HAP1: variants seen among roughly 807,000 people sequenced by gnomAD.
The protein encoded by HAP1 is huntingtin-associated protein 1.
A neutral mutation model predicts 60.3 loss-of-function variants in HAP1; 59 were observed. The ratio of observed to expected loss-of-function variants is 0.98; its 90% CI spans 0.79 to 1.22. HAP1 has a LOEUF of 1.22. Ranked by LOEUF, HAP1 falls within the 50% of genes most tolerant of loss-of-function variation. HAP1 has a pLI of 0.00. For missense variants in HAP1, 825 were observed against 785.3 expected, an observed-to-expected ratio of 1.05 and a Z score of -0.60; for synonymous variants, 346 against 330.6, an observed-to-expected ratio of 1.05 and a Z score of -0.50.
chr17:41,732,113 T>C lies in HAP1; in HGVS notation c.720A>G (p.Leu240=). ...ALLGSAKEEI[L]YLRHQVNLRD... ...GCAAGTTCACCTGGTGTCTGAGGTA[T>C]AAAATCTGGCAGGAAGAGAGAGGAG... The change falls in exon 4 of 11, where the codon TTA becomes TTG. Residue 240 remains leucine (L), a synonymous_variant. Coordinates refer to ENST00000347901, the MANE Select transcript of HAP1 (RefSeq NM_177977.3). The C allele has an allele frequency of 6.2e-7, 1 of 1,613,804 alleles. No individual in the cohort carries two copies. The highest frequency in any genetic ancestry group is 8.5e-7 in the Non-Finnish European group (1 of 1,179,790).
chr17:41,717,919 CATT>C (rs782109864), downstream of HAP1: 1 of 452,138 alleles, frequency 2.2e-6, no homozygotes, highest in African/African-American at 2.0e-5. Context: ...TCCATTCCAT[CATT>C]GTTCTTGTGC....
At chr17:41,726,853 A>G (rs8064577) in intron 9 of HAP1, among the ~76,000 whole-genome samples, 200 bp downstream of exon 9, 12,115 of 150,514 alleles carry the variant, frequency 0.08, 1,628 homozygotes, top group African/African-American at 0.28. Flanking sequence ...ACAGAGCAAG[A>G]CTCCATCTCA....
rs149550090 is a variant in HAP1, at chr17:41,725,068, C to T, written c.1493G>A (p.Arg498Gln). The change falls in exon 11 of 11, where the codon CGG becomes CAG. Residue 498 changes from arginine to glutamine, a missense_variant. Physicochemically the swap from Arg to Gln is conservative, Grantham distance 43 (BLOSUM62 1). Coordinates refer to ENST00000347901, the MANE Select transcript of HAP1 (RefSeq NM_177977.3). ...EGLMLAADIMRGEDFTPAEEF... is the reference protein window; with the variant it reads ...EGLMLAADIMQGEDFTPAEEF... Reference sequence around the variant, plus strand: ...CTCCGCAGGCGTGAAATCTTCCCCCCGCATGATATCCGCTGCCAGCATCAA... The same window carrying T: ...CTCCGCAGGCGTGAAATCTTCCCCCTGCATGATATCCGCTGCCAGCATCAA... 132 of 1,612,586 alleles carry T rather than the reference C, an allele frequency of 8.2e-5. 2 individuals carry two copies. Among genetic ancestry groups the T allele is most frequent in the African/African-American group, 6.4e-4 (48 of 75,008 alleles).
At chr17:41,733,582 T>C (rs572470677) in intron 1 of HAP1, among the ~76,000 whole-genome samples, 2 of 151,894 alleles carry the variant, frequency 1.3e-5, no homozygotes, top group East Asian at 3.9e-4. Flanking sequence ...CCTGCACCTG[T>C]TGCGTGTGCA....
intron 9 of HAP1, among the ~76,000 whole-genome samples, chr17:41,726,395 C>G (rs2143203000): frequency 8.6e-6 from 1 of 116,438 alleles, no homozygotes; most frequent in East Asian, 2.6e-4. Context: ...CAAAACAAGA[C>G]TCCATCTCAA....
intron 1 of HAP1, 67 bp from the exon 2 acceptor site, chr17:41,732,865 G>A: frequency 3.4e-6 from 3 of 882,730 alleles, no homozygotes; most frequent in Non-Finnish European, 5.8e-6. Context: ...GATGCTACCA[G>A]CAAACAGCTG....
downstream of HAP1, chr17:41,720,736 CAGTT>C (rs1597730102): frequency 6.6e-6 from 1 of 151,888 alleles, no homozygotes; most frequent in Non-Finnish European, 1.5e-5. Context: ...TGTCAGATGA[CAGTT>C]AGAGGATAAA....
chr17:41,728,404 CCT>C, intron 6 of HAP1, 73 bp from the exon 7 acceptor site: 3 of 1,419,040 alleles, frequency 2.1e-6, no homozygotes, highest in East Asian at 4.7e-5. Flanking sequence ...CTCCCAGATG[CCT>C]CTGTCTCCCC....
Position 41,724,458 on chromosome 17 carries a change from C to A in HAP1, c.*243G>T. The A allele has an allele frequency of 2.0e-6, 1 of 508,236 alleles. No individual in the cohort carries two copies. The highest frequency in any genetic ancestry group is 3.5e-6 in the Non-Finnish European group (1 of 284,630). 31.5% of individuals were successfully genotyped at this position (508,236 alleles called of 1,614,324 possible). ...GAAGCAAGCGGGCAGAGATGGGAAGCTGAGGCGCAGTGTGGGGGCACAGTC... is the reference window on the plus strand; with the variant it reads ...GAAGCAAGCGGGCAGAGATGGGAAGATGAGGCGCAGTGTGGGGGCACAGTC... On this transcript the variant is annotated 3_prime_UTR_variant, in exon 11 of 11. Transcript: ENST00000347901.
chr17:41,728,373 C>A, intron 6 of HAP1, 42 bp from the exon 7 acceptor site: 1 of 1,601,070 alleles, frequency 6.2e-7, no homozygotes, highest in South Asian at 1.1e-5. Context: ...CTCCCCTGGC[C>A]TTCAGGGACC....
chr17:41,727,069 C>T lies in HAP1; in HGVS notation c.1351G>A (p.Val451Met). The T allele has an allele frequency of 6.4e-7, 1 of 1,562,934 alleles. No individual in the cohort carries two copies. Among genetic ancestry groups the T allele is most frequent in the Non-Finnish European group, 8.7e-7 (1 of 1,143,122 alleles). Reference sequence around the variant, plus strand: ...GCCACGCACCTCTCCATAAAATACACAGGGTCTGAGATCATCCTCCTTAGA... The same window carrying T: ...GCCACGCACCTCTCCATAAAATACATAGGGTCTGAGATCATCCTCCTTAGA... ...TSLRRMISDP[V>M]YFMERNYEMP... The change falls in exon 9 of 11, where the codon GTG (valine) becomes ATG (methionine). Residue 451 changes from valine (V) to methionine (M), a missense_variant. By Grantham distance (21) the Val-to-Met change is conservative. Transcript: ENST00000347901.
downstream of HAP1, chr17:41,717,993 T>C: frequency 2.1e-6 from 1 of 469,928 alleles, no homozygotes; most frequent in Non-Finnish European, 4.4e-6. Flanking sequence ...GGGAAAGTGT[T>C]TTCTCTACCC....
At chr17:41,733,819 G>C (rs1912463259) in intron 1 of HAP1, among the ~76,000 whole-genome samples, 1 of 151,072 alleles carries the variant, frequency 6.6e-6, no homozygotes, top group African/African-American at 2.4e-5. Context: ...CTCAGAGCGC[G>C]CGGGACAGCG....
At position 41,734,360 on chromosome 17, in the gene HAP1, T is replaced by A. The variant is rs373030963; in HGVS notation, c.275A>T (p.Asp92Val). 257 of 1,607,098 alleles carry A rather than the reference T, an allele frequency of 1.6e-4. No individual in the cohort carries two copies. The highest frequency in any genetic ancestry group is 1.9e-4 in the Non-Finnish European group (226 of 1,175,602). Residue 92 changes from aspartate (D) to valine (V), a missense_variant, in exon 1 of 11, where the codon GAT (aspartate) becomes GTT (valine). Asp to Val is a radical substitution (Grantham distance 152). Transcript: ENST00000347901. ...RPSAFSAIQG[D>V]VRSMPDNSDA... is the part of the protein sequence containing the mutation. ...CGAATTGTCGGGCATAGACCGGACA[T>A]CCCCTTGGATGGCCGAGAATGCGGA... is the stretch of plus-strand genomic sequence containing the variant.
At position 41,734,609 on chromosome 17, in the gene HAP1, C is replaced by G. The variant is rs149889145; in HGVS notation, c.26G>C (p.Cys9Ser). The change falls in exon 1 of 11, where the codon TGC (cysteine) becomes TCC (serine). Residue 9 changes from cysteine to serine, a missense_variant. Transcript: ENST00000347901. Reference protein sequence around the residue: MRPKRLGRCCAGSRLGPGD... With the variant: MRPKRLGRSCAGSRLGPGD... ...GGGTCCGAGCCGGCTCCCCGCGCAG[C>G]ACCGGCCCAACCTCTTCGGGCGCAT... 4 of 1,562,630 alleles carry G rather than the reference C, an allele frequency of 2.6e-6. No individual in the cohort carries two copies. Among genetic ancestry groups the G allele is most frequent in the East Asian group, 4.6e-5 (2 of 43,564 alleles).
At position 41,724,660 on chromosome 17, in the gene HAP1, G is replaced by A. The variant is rs782319651; in HGVS notation, c.*41C>T. Reference sequence around the variant, plus strand: ...TAAGCACAGCAGGTAGAGCCAGGCTGGGGCAGGTGAGCACTCGGGGAGCTT... The same window carrying A: ...TAAGCACAGCAGGTAGAGCCAGGCTAGGGCAGGTGAGCACTCGGGGAGCTT... On this transcript the variant is annotated 3_prime_UTR_variant, in exon 11 of 11. Coordinates refer to ENST00000347901, the MANE Select transcript of HAP1 (RefSeq NM_177977.3). 47 of 1,437,938 alleles carry A rather than the reference G, an allele frequency of 3.3e-5. No homozygotes were observed. In the East Asian group the frequency reaches 9.9e-4, roughly 30 times the overall value. 89.1% of individuals were successfully genotyped at this position (1,437,938 alleles called of 1,614,324 possible).
chr17:41,726,946 G>A (rs1447379975), intron 9 of HAP1, 107 bp downstream of exon 9: 6 of 636,592 alleles, frequency 9.4e-6, no homozygotes, highest in African/African-American at 3.6e-5. Context: ...TGCAGTGAAC[G>A]AGGCGGGTAT....
At chr17:41,729,018 ACT>A (rs1555589765) in intron 6 of HAP1, among the ~76,000 whole-genome samples, 1 of 152,016 alleles carries the variant, frequency 6.6e-6, no homozygotes, top group Non-Finnish European at 1.5e-5. Flanking sequence ...ATCTTGGCTC[ACT>A]GTAACTGCCG....
chr17:41,717,747 T>C, downstream of HAP1: 1 of 277,254 alleles, frequency 3.6e-6, no homozygotes. Flanking sequence ...AGTTGTTTTG[T>C]TTGCCAGTTT....
Sources: allele counts gnomAD v4.1 joint callset (sites outside exome capture counted in the v4.1 genomes callset), GRCh38; gene constraint gnomAD v4.1.1; transcripts MANE v1.5; gene names NCBI Gene and HGNC (gene_info 2026-07-23, HGNC 2026-07-21).